The following CHIT1 variants were observed in gnomAD, a reference collection of about 807,000 sequenced individuals.
CHIT1 encodes chitinase 1.
CHIT1 carries 47 observed loss-of-function variants against 52.0 expected under a neutral mutation model. The observed-to-expected ratio is 0.90, with a 90% CI of 0.71 to 1.15. The LOEUF is 1.15. CHIT1 is among the 50% of genes most tolerant of loss of function. CHIT1 has a pLI of 0.00. For synonymous variants in CHIT1, 242 were observed against 228.2 expected (o/e 1.06, Z -0.54); for missense variants, 569 against 583.0 (o/e 0.98, Z 0.25).
At chr1:203,224,183 C>T (rs1005343796) in intron 4 of CHIT1, among the ~76,000 whole-genome samples, 5 of 152,158 alleles carry the variant, frequency 3.3e-5, no homozygotes, top group African/African-American at 9.7e-5. Context: ...AACTCACACC[C>T]GTAGAGCGCT....
In CHIT1 at chr1:203,216,556, C is replaced by T. The variant is rs760541651; in HGVS notation, c.*333G>A. On this transcript the variant is annotated 3_prime_UTR_variant, in exon 11 of 11. Coordinates refer to ENST00000367229, the MANE Select transcript of CHIT1 (RefSeq NM_003465.3). The stretch of plus-strand genomic sequence containing the variant: ...TATGGACTCATGGGGCAAGACCTGC[C>T]ACAGGGCCTGGCACATCCTGCACGG... The T allele has an allele frequency of 2.1e-6, 1 of 475,698 alleles. No homozygotes were observed. Among genetic ancestry groups the T allele is most frequent in the Non-Finnish European group, 4.1e-6 (1 of 241,418 alleles). The allele number at this position is 475,698 out of a possible 1,614,324, so 29.5% of individuals were successfully genotyped here. A position where few individuals can be genotyped will look rare whatever the true frequency, so the allele number is the denominator to read the frequency against.
Position 203,216,300 on chromosome 1 carries a change from T to G in CHIT1, c.*589A>C. 1 of 454,084 alleles carries G rather than the reference T, an allele frequency of 2.2e-6. No individual in the cohort carries two copies. The highest frequency in any genetic ancestry group is 1.6e-5 in the South Asian group (1 of 64,470). The allele number at this position is 454,084 out of a possible 1,614,324, so 28.1% of individuals were successfully genotyped here. A position where few individuals can be genotyped will look rare whatever the true frequency, so the allele number is the denominator to read the frequency against. ...AGGATTTATCTCGAAGACCCCTGAG[T>G]ACCAGGGGTCTGAATTCTTAGTGTA... On this transcript the variant is annotated 3_prime_UTR_variant, in exon 11 of 11. Coordinates refer to ENST00000367229, the MANE Select transcript of CHIT1 (RefSeq NM_003465.3).
chr1:203,229,977 A>G, upstream of CHIT1: 1 of 396,078 alleles, frequency 2.5e-6, no homozygotes, highest in South Asian at 2.2e-5. Context: ...AAGCAGCCCC[A>G]GACTTAATAG....
At chr1:203,224,967 C>T in intron 4 of CHIT1, 81 bp downstream of exon 4, 2 of 1,312,126 alleles carry the variant, frequency 1.5e-6, no homozygotes, top group South Asian at 1.2e-5. Flanking sequence ...TGGCCTGATT[C>T]CCTGACCAGG....
chr1:203,224,796 C>T (rs1025980935), intron 4 of CHIT1, among the ~76,000 whole-genome samples: 25 of 152,160 alleles, frequency 1.6e-4, no homozygotes, highest in Non-Finnish European at 2.9e-4. Flanking sequence ...GGTCTGAGCC[C>T]TCTGCTGTGT....
At position 203,219,276 on chromosome 1, in the gene CHIT1, G is replaced by A; in HGVS notation, c.969C>T (p.Pro323=). 1 of 1,603,680 alleles carries A rather than the reference G, an allele frequency of 6.2e-7. No individual in the cohort carries two copies. Among genetic ancestry groups the A allele is most frequent in the Non-Finnish European group, 8.5e-7 (1 of 1,171,380 alleles). Residue 323 remains proline (P), a synonymous_variant, in exon 9 of 11, where the codon CCC becomes CCT. Transcript: ENST00000367229. ...CCCACTGGTTGTCCCGGAAGATGTA[G>A]GGCACCTTCTGATCCTGGATTCTCT... ...TKQRIQDQKV[P]YIFRDNQWVG... is the part of the protein sequence containing the mutation.
rs757187427 is a variant in CHIT1 at position 203,229,605 on chromosome 1, G to A, written c.25+7C>T. The A allele has an allele frequency of 5.3e-5, 85 of 1,613,692 alleles. 1 individual carries two copies. In the Middle Eastern group the frequency reaches 8.2e-4, roughly 16 times the overall value. The stretch of plus-strand genomic sequence containing the variant: ...CCCGAGACCCAGCCCACTATCCGAC[G>A]GCTCACCTGCCCAGGCCACAGACCG... On this transcript the variant is annotated splice_region_variant and intron_variant, in intron 1 of 10. Coordinates refer to ENST00000367229, the MANE Select transcript of CHIT1 (RefSeq NM_003465.3).
chr1:203,219,253 C>T lies in CHIT1; in HGVS notation c.992G>A (p.Trp331Ter). ...KVPYIFRDNQ[W>*]VGFDDVESFK... ...GCTCTCCACATCATCAAAGCCCACCCACTGGTTGTCCCGGAAGATGTAGGG... is the reference window on the plus strand; with the variant it reads ...GCTCTCCACATCATCAAAGCCCACCTACTGGTTGTCCCGGAAGATGTAGGG... Residue 331 changes from tryptophan (W) to a stop codon, truncating the protein, a stop_gained, in exon 9 of 11, where the codon TGG (tryptophan) becomes TAG (stop). Transcript: ENST00000367229. LOFTEE classifies it high-confidence loss of function. 1 of 1,603,002 alleles carries T rather than the reference C, an allele frequency of 6.2e-7. No individual in the cohort carries two copies. The highest frequency in any genetic ancestry group is 8.5e-7 in the Non-Finnish European group (1 of 1,170,772).
At chr1:203,217,652 C>T in intron 10 of CHIT1, 87 bp downstream of exon 10, 1 of 1,600,908 alleles carries the variant, frequency 6.2e-7, no homozygotes, top group East Asian at 2.2e-5. Flanking sequence ...CTCAGAAGGA[C>T]CCGGGACCTA....
At chr1:203,220,170 C>T (rs1299185707) in intron 7 of CHIT1, among the ~76,000 whole-genome samples, 1 of 152,216 alleles carries the variant, frequency 6.6e-6, no homozygotes, top group Non-Finnish European at 1.5e-5. Context: ...GTGAACAAGG[C>T]AGACACAGAT....
chr1:203,219,364 G>T, intron 8 of CHIT1, 35 bp from the exon 9 acceptor site: 2 of 1,261,744 alleles, frequency 1.6e-6, no homozygotes, highest in Non-Finnish European at 2.3e-6. Flanking sequence ...GGGAGGAGGA[G>T]GGAGGCTCTT....
chr1:203,218,025 T>A lies in CHIT1; in HGVS notation c.1030-160A>T, dbSNP rs1001685921. ...GACAGCCTTGGGCTGGGAGCCTGGA[T>A]GCTGAGTCCTCATGCTGCTTGGACA... On this transcript the variant is annotated intron_variant, in intron 9 of 10. Coordinates refer to ENST00000367229, the MANE Select transcript of CHIT1 (RefSeq NM_003465.3). 4 of 1,533,508 alleles carry A rather than the reference T, an allele frequency of 2.6e-6. No homozygotes were observed. In the Admixed American group the frequency reaches 7.9e-5, roughly 30 times the overall value. 95.0% of individuals were successfully genotyped at this position (1,533,508 alleles called of 1,614,324 possible).
intron 5 of CHIT1, 116 bp from the exon 6 acceptor site, chr1:203,223,375 G>A (rs1011708542): frequency 5.0e-6 from 8 of 1,600,986 alleles, no homozygotes; most frequent in Non-Finnish European, 6.8e-6. Flanking sequence ...GGGCTGATCT[G>A]TGCCATGCAG....
chr1:203,216,664 T>C lies in CHIT1; in HGVS notation c.*225A>G, dbSNP rs1373463791. 1.5e-6 allele frequency: 1 copy of C among 647,520 alleles called. No homozygotes were observed. The highest frequency in any genetic ancestry group is 2.1e-5 in the Admixed American group (1 of 47,750). 40.1% of individuals were successfully genotyped at this position (647,520 alleles called of 1,614,324 possible). The stretch of plus-strand genomic sequence containing the variant: ...AGAGCCTCTTAAGTCACCACATCTT[T>C]GGGAAGAGGGGCACAAACCAAAGAT... On this transcript the variant is annotated 3_prime_UTR_variant, in exon 11 of 11. Transcript: ENST00000367229.
Position 203,222,198 on chromosome 1 carries a change from G to A in CHIT1, c.729+4C>T, listed in dbSNP as rs771860638. ...TCCTGCCTCAGCCCTCCTGCCACAC[G>A]TACCACGTTGAGGCTGGCTGCTGCA... On this transcript the variant is annotated splice_donor_region_variant and intron_variant, in intron 7 of 10. Transcript: ENST00000367229. 8 of 1,613,770 alleles carry A rather than the reference G, an allele frequency of 5.0e-6. No homozygotes were observed. The highest frequency in any genetic ancestry group is 3.3e-5 in the South Asian group (3 of 91,064).
At chr1:203,217,897 C>G (rs41304073) in intron 9 of CHIT1, 32 bp from the exon 10 acceptor site, 3 of 1,594,960 alleles carry the variant, frequency 1.9e-6, no homozygotes, top group South Asian at 2.3e-5. Flanking sequence ...TGGAGGAGCC[C>G]GGGGAAGCCT....
chr1:203,217,267 A>C, intron 10 of CHIT1, 134 bp from the exon 11 acceptor site: 1 of 1,567,634 alleles, frequency 6.4e-7, no homozygotes. Flanking sequence ...ACAGCCAGAT[A>C]CCCCAGGCAG....
rs778285508 is a variant in CHIT1, at chr1:203,219,800, A to G, written c.779T>C (p.Leu260Pro). The change falls in exon 8 of 11, where the codon CTG becomes CCG. Residue 260 changes from leucine (L) to proline (P), a missense_variant. By Grantham distance (98) the Leu-to-Pro change is moderately conservative. Coordinates refer to ENST00000367229, the MANE Select transcript of CHIT1 (RefSeq NM_003465.3). ...TCCGTAGGTAGGCATGCCAAGGATCAGCTTGCTGGCAGGGGTCCCCTTCTG... is the reference window on the plus strand; with the variant it reads ...TCCGTAGGTAGGCATGCCAAGGATCGGCTTGCTGGCAGGGGTCCCCTTCTG... ...WLQKGTPASKLILGMPTYGRS... is the reference protein window; with the variant it reads ...WLQKGTPASKPILGMPTYGRS... The G allele has an allele frequency of 8.1e-6, 13 of 1,612,700 alleles. No homozygotes were observed. The highest frequency in any genetic ancestry group is 1.7e-5 in the Admixed American group (1 of 59,998).
Position 203,222,604 on chromosome 1 carries a change from T to A in CHIT1, c.606-279A>T, listed in dbSNP as rs555101091. On this transcript the variant is annotated intron_variant, in intron 6 of 10. Coordinates refer to ENST00000367229, the MANE Select transcript of CHIT1 (RefSeq NM_003465.3). ...TCCCTATTCCACTCAAGAAAACTCC[T>A]GCTACATTGCTATTCTGGAGGGAAC... Among the ~76,000 whole-genome samples, 7 of 152,326 alleles carry A rather than the reference T, an allele frequency of 4.6e-5. No homozygotes were observed. In the East Asian group the frequency reaches 1.3e-3, roughly 29 times the overall value.
Sources: allele counts gnomAD v4.1 joint callset (sites outside exome capture counted in the v4.1 genomes callset), GRCh38; gene constraint gnomAD v4.1.1; transcripts MANE v1.5; gene names NCBI Gene and HGNC (gene_info 2026-07-23, HGNC 2026-07-21).